Variants in BCAS3 observed in about 807,000 individuals in gnomAD.
The protein encoded by BCAS3 is BCAS3 microtubule associated cell migration factor, also known as BCAS4/BCAS3 fusion.
Under a neutral mutation model 116.1 loss-of-function variants are expected in BCAS3, and 53 were observed. That is an observed-to-expected ratio of 0.46 (90% CI 0.37 to 0.57). The LOEUF (loss-of-function observed/expected upper bound fraction) is 0.57, where lower values mean the gene tolerates loss of function less well. Among genes scored for constraint, BCAS3 ranks in the 20% least tolerant of loss-of-function variants. BCAS3 has a pLI of 0.00. For missense variants in BCAS3, 917 were observed against 1,165.4 expected (o/e 0.79, Z 3.10); for synonymous variants, 391 against 408.2 (o/e 0.96, Z 0.51).
rs116596820 is a variant in BCAS3 at position 60,887,899 on chromosome 17, A to T, written c.662-1796A>T. On this transcript the variant is annotated intron_variant, in intron 9 of 23. Coordinates refer to ENST00000407086, the MANE Select transcript of BCAS3 (RefSeq NM_017679.5). Reference sequence around the variant, plus strand: ...GGACAAATATAGTGTGCTTCTAAAAATTTTTTACCTTCATTTAAATTGGGA... The same window carrying T: ...GGACAAATATAGTGTGCTTCTAAAATTTTTTTACCTTCATTTAAATTGGGA... Among the ~76,000 whole-genome samples the T allele has an allele frequency of 3.8e-3, 571 of 152,266 alleles. 3 individuals are homozygous for T. Among genetic ancestry groups the T allele is most frequent in the African/African-American group, 0.013 (543 of 41,568 alleles).
rs185756406 is a variant in BCAS3, at chr17:61,360,165, G to A, written c.2426-8162G>A. On this transcript the variant is annotated intron_variant, in intron 22 of 23. Coordinates refer to ENST00000407086, the MANE Select transcript of BCAS3 (RefSeq NM_017679.5). ...ACTACAGATGCACGCCACCACACCC[G>A]GATAATTTTTATATTTTTTAGTAGA... 1.3e-3 allele frequency among the ~76,000 whole-genome samples: 201 copies of A among 151,938 alleles called. 2 individuals carry two copies. The Middle Eastern group carries it at 0.02, about 15-fold the overall frequency.
rs1388003344 is a variant in BCAS3 at position 61,234,252 on chromosome 17, ACAGCT to A, written c.2426-134073_2426-134069del. On this transcript the variant is annotated intron_variant, in intron 22 of 23. Coordinates refer to ENST00000407086, the MANE Select transcript of BCAS3 (RefSeq NM_017679.5). ...TAAGCTTCCCACTGAGTACTAGGAT[ACAGCT>A]CTCTCTTCTTCCTTCCTCTCCTTCC... Among the ~76,000 whole-genome samples the A allele has an allele frequency of 6.6e-5, 10 of 152,268 alleles. No individual in the cohort carries two copies. The East Asian group carries it at 1.7e-3, about 26-fold the overall frequency.
chr17:61,046,691 T>C (rs917976656), intron 19 of BCAS3, among the ~76,000 whole-genome samples: 1 of 151,866 alleles, frequency 6.6e-6, no homozygotes, highest in African/African-American at 2.4e-5. Flanking sequence ...TGTGGTTGGT[T>C]GAACCCATAG....
Position 61,388,456 on chromosome 17 carries a change from C to T in BCAS3, c.2594-3521C>T. 1 of 627,108 alleles carries T rather than the reference C, an allele frequency of 1.6e-6. No individual in the cohort carries two copies. The allele number at this position is 627,108 out of a possible 1,614,324, so 38.8% of individuals were successfully genotyped here. A position where few individuals can be genotyped will look rare whatever the true frequency, so the allele number is the denominator to read the frequency against. On this transcript the variant is annotated intron_variant, in intron 23 of 23. Transcript: ENST00000407086. The surrounding 1 kb of genome is among the most constrained non-coding windows in gnomAD (Gnocchi z 6.5). ...AAGACAGATTGGTCCCCAGCCCCTA[C>T]ACATGCATGTCACTGTCCTCCTTGA...
In BCAS3 at chr17:61,131,443, A is replaced by C. The variant is rs191866503; in HGVS notation, c.2425+46879A>C. Among the ~76,000 whole-genome samples, 3 of 152,350 alleles carry C rather than the reference A, an allele frequency of 2.0e-5. No homozygotes were observed. The East Asian group carries it at 5.8e-4, about 29-fold the overall frequency. On this transcript the variant is annotated intron_variant, in intron 22 of 23. Coordinates refer to ENST00000407086, the MANE Select transcript of BCAS3 (RefSeq NM_017679.5). The surrounding 1 kb of genome is among the most constrained non-coding windows in gnomAD (Gnocchi z 4.4). ...ATGAAAATTATTAAGCCAGGGGTAT[A>C]AATTACAATTCGTTAAATAAATTCA...
intron 22 of BCAS3, among the ~76,000 whole-genome samples, chr17:61,331,448 G>T (rs547217889): frequency 6.6e-6 from 1 of 152,088 alleles, no homozygotes; most frequent in Non-Finnish European, 1.5e-5. Flanking sequence ...TTTGGCACAG[G>T]AGGAGGTCAC....
intron 7 of BCAS3, among the ~76,000 whole-genome samples, chr17:60,831,152 A>G (rs2050884364): frequency 1.3e-5 from 2 of 151,756 alleles, no homozygotes; most frequent in Non-Finnish European, 2.9e-5. Flanking sequence ...GCATCTGGCC[A>G]ATAAATGTCT....
rs1036832030 is a variant in BCAS3, at chr17:61,187,824, T to C, written c.2425+103260T>C. ...CTAAGATTAGCAGCTAAGGTTTTTT[T>C]TTTCTTTCTTTCTTTCTTTCGTTTT... On this transcript the variant is annotated intron_variant, in intron 22 of 23. Coordinates refer to ENST00000407086, the MANE Select transcript of BCAS3 (RefSeq NM_017679.5). Among the ~76,000 whole-genome samples the C allele has an allele frequency of 6.5e-4, 98 of 151,908 alleles. 1 individual carries two copies. Among genetic ancestry groups the C allele is most frequent in the African/African-American group, 1.7e-3 (72 of 41,434 alleles).
At chr17:60,896,524 C>G (rs949051838) in intron 10 of BCAS3, among the ~76,000 whole-genome samples, 2 of 151,782 alleles carry the variant, frequency 1.3e-5, no homozygotes, top group Non-Finnish European at 2.9e-5. Context: ...ATATTTAGAA[C>G]TGTTATATCC....
rs2080658009 is a variant in BCAS3 at position 61,198,947 on chromosome 17, G to C, written c.2425+114383G>C. ...CACTGATTGTTCCTTGATGATGAAT[G>C]CCTTTAATATATGTTTACAAGCTCC... is the stretch of plus-strand genomic sequence containing the variant. On this transcript the variant is annotated intron_variant, in intron 22 of 23. Transcript: ENST00000407086. The surrounding 1 kb of genome is among the most constrained non-coding windows in gnomAD (Gnocchi z 5.0). Among the ~76,000 whole-genome samples, 1 of 152,074 alleles carries C rather than the reference G, an allele frequency of 6.6e-6. No homozygotes were observed. Among genetic ancestry groups the C allele is most frequent in the South Asian group, 2.1e-4 (1 of 4,816 alleles).
In BCAS3 at chr17:61,124,075, T is replaced by G. The variant is rs573606374; in HGVS notation, c.2425+39511T>G. ...TTCAAACTTGTATCTAGGAGAGAGA[T>G]ATATATATATACATATATATGTTTT... On this transcript the variant is annotated intron_variant, in intron 22 of 23. Transcript: ENST00000407086. The surrounding 1 kb of genome is among the most constrained non-coding windows in gnomAD (Gnocchi z 4.6). Among the ~76,000 whole-genome samples the G allele has an allele frequency of 2.6e-3, 401 of 151,808 alleles. 1 individual carries two copies. Among genetic ancestry groups the G allele is most frequent in the African/African-American group, 6.7e-3 (278 of 41,446 alleles).
At chr17:61,351,189 G>A (rs1426844763) in intron 22 of BCAS3, among the ~76,000 whole-genome samples, 1 of 152,156 alleles carries the variant, frequency 6.6e-6, no homozygotes, top group African/African-American at 2.4e-5. Context: ...ATAACTTCAG[G>A]GTGAGCTCAG....
intron 22 of BCAS3, among the ~76,000 whole-genome samples, chr17:61,157,768 G>A (rs1025538943): frequency 8.5e-5 from 13 of 152,128 alleles, no homozygotes; most frequent in African/African-American, 2.7e-4. Flanking sequence ...AAGTATTATC[G>A]CTGGCCACAA....
chr17:61,364,229 G>A lies in BCAS3; in HGVS notation c.2426-4098G>A, dbSNP rs888836488. On this transcript the variant is annotated intron_variant, in intron 22 of 23. Coordinates refer to ENST00000407086, the MANE Select transcript of BCAS3 (RefSeq NM_017679.5). This position sits in a 1 kb window ranked among gnomAD's most constrained non-coding sequence, Gnocchi z 5.4. ...CTCAACTTCCTAGCTGTGCGCATGC[G>A]AAGAGAGAACAGACCCACTATCAAA... Among the ~76,000 whole-genome samples, 7 of 152,166 alleles carry A rather than the reference G, an allele frequency of 4.6e-5. No homozygotes were observed. Among genetic ancestry groups the A allele is most frequent in the African/African-American group, 1.4e-4 (6 of 41,440 alleles).
chr17:60,987,181 T>C (rs572004620), intron 14 of BCAS3: 1 of 152,264 alleles, frequency 6.6e-6, no homozygotes, highest in South Asian at 2.1e-4. Flanking sequence ...TTCTGTTCCA[T>C]TGGTGTATGT....
chr17:61,233,963 A>G lies in BCAS3; in HGVS notation c.2426-134364A>G, dbSNP rs543857113. 6.6e-6 allele frequency among the ~76,000 whole-genome samples: 1 copy of G among 150,556 alleles called. No homozygotes were observed. The highest frequency in any genetic ancestry group is 6.6e-5 in the Admixed American group (1 of 15,102). On this transcript the variant is annotated intron_variant, in intron 22 of 23. Transcript: ENST00000407086. This position sits in a 1 kb window ranked among gnomAD's most constrained non-coding sequence, Gnocchi z 4.3. The stretch of plus-strand genomic sequence containing the variant: ...TTCTAATTAATGTGAATTGAGTATT[A>G]CTAATATCAGGTTTGGTTTTTTTTT...
rs371144139 is a variant in BCAS3, at chr17:61,339,676, G to A, written c.2426-28651G>A. Among the ~76,000 whole-genome samples, 1 of 151,960 alleles carries A rather than the reference G, an allele frequency of 6.6e-6. No individual in the cohort carries two copies. Among genetic ancestry groups the A allele is most frequent in the South Asian group, 2.1e-4 (1 of 4,810 alleles). On this transcript the variant is annotated intron_variant, in intron 22 of 23. Coordinates refer to ENST00000407086, the MANE Select transcript of BCAS3 (RefSeq NM_017679.5). The surrounding 1 kb of genome is among the most constrained non-coding windows in gnomAD (Gnocchi z 4.4). ...AGCTACTCGGGAGGCTGAGGCAGGA[G>A]AATCGCTCGAACCTAGGAGGTGGCG...
chr17:61,138,398 G>T (rs960902960), intron 22 of BCAS3, among the ~76,000 whole-genome samples: 2 of 152,180 alleles, frequency 1.3e-5, no homozygotes, highest in Non-Finnish European at 2.9e-5. Flanking sequence ...GAGTATCTAC[G>T]TGGGAACTCC....
intron 6 of BCAS3, among the ~76,000 whole-genome samples, chr17:60,802,869 G>A (rs1402186368): frequency 1.3e-5 from 2 of 152,020 alleles, no homozygotes; most frequent in African/African-American, 4.8e-5. Flanking sequence ...CCTCCGCCTC[G>A]GCCTCCTAAA....
Sources: allele counts gnomAD v4.1 joint callset (sites outside exome capture counted in the v4.1 genomes callset), GRCh38; gene constraint gnomAD v4.1.1; non-coding constraint Gnocchi (gnomAD v3.1); transcripts MANE v1.5; gene names NCBI Gene and HGNC (gene_info 2026-07-23, HGNC 2026-07-21).